The following HECW2 variants were observed in gnomAD, a reference collection of about 807,000 sequenced individuals.
The protein encoded by HECW2 is E3 ubiquitin-protein ligase HECW2.
In HECW2, 61 loss-of-function variants were observed where a neutral mutation model predicts 175.2. The observed-to-expected ratio is 0.35, with a 90% CI of 0.28 to 0.43. HECW2 has a LOEUF of 0.43. HECW2 is among the 20% of genes least tolerant of loss of function. The pLI, the probability that HECW2 is intolerant of heterozygous loss-of-function variation, is 1.00. For missense variants in HECW2, 1,524 were observed against 2,000.5 expected (o/e 0.76, Z 4.54); for synonymous variants, 671 against 731.0 (o/e 0.92, Z 1.32).
In HECW2 at chr2:196,282,013, G is replaced by A. The variant is rs562128307; in HGVS notation, c.3001-3351C>T. ...TTTTTGAGCATGCTGCCTGTGACACGTCAAATATGAGGTCCTATTATTTTC... is the reference window on the plus strand; with the variant it reads ...TTTTTGAGCATGCTGCCTGTGACACATCAAATATGAGGTCCTATTATTTTC... On this transcript the variant is annotated intron_variant, in intron 14 of 28. Coordinates refer to ENST00000644978, the MANE Select transcript of HECW2 (RefSeq NM_001348768.2). 1.7e-4 allele frequency among the ~76,000 whole-genome samples: 26 copies of A among 152,308 alleles called. No individual in the cohort carries two copies. The South Asian group carries it at 3.9e-3, about 23-fold the overall frequency.
At chr2:196,410,969 A>G (rs1030873211) in intron 2 of HECW2, among the ~76,000 whole-genome samples, 1 of 152,124 alleles carries the variant, frequency 6.6e-6, no homozygotes. Context: ...ATTCCAGGCA[A>G]TGCAATGGCT....
rs1200396728 is a variant in HECW2 at position 196,536,384 on chromosome 2, A to G, written c.-36+57124T>C. 3.9e-5 allele frequency among the ~76,000 whole-genome samples: 6 copies of G among 152,212 alleles called. No homozygotes were observed. In the East Asian group the frequency reaches 1.2e-3, roughly 29 times the overall value. On this transcript the variant is annotated intron_variant, in intron 1 of 28. Coordinates refer to ENST00000644978, the MANE Select transcript of HECW2 (RefSeq NM_001348768.2). ...GGACTACTGTAAAGGCCACTGGACT[A>G]CATGAGAGAGCTGGAAAGATCAGAA...
intron 1 of HECW2, among the ~76,000 whole-genome samples, chr2:196,485,898 T>C (rs1307116864): frequency 6.6e-6 from 1 of 152,156 alleles, no homozygotes; most frequent in African/African-American, 2.4e-5. Context: ...GTACCACGCA[T>C]CTGTAGTCCC....
intron 1 of HECW2, among the ~76,000 whole-genome samples, chr2:196,568,805 A>G (rs375486042): frequency 6.6e-6 from 1 of 152,276 alleles, no homozygotes; most frequent in African/African-American, 2.4e-5. Context: ...ACAAGTATAG[A>G]TACTCCAGGG....
chr2:196,366,367 G>A (rs778256435), intron 2 of HECW2, among the ~76,000 whole-genome samples: 73 of 152,120 alleles, frequency 4.8e-4, no homozygotes, highest in Non-Finnish European at 9.0e-4. Context: ...CTCATCTTCG[G>A]TGGACAAGGA....
chr2:196,201,468 G>T, intron 28 of HECW2, 80 bp from the exon 29 acceptor site: 1 of 866,362 alleles, frequency 1.2e-6, no homozygotes, highest in Non-Finnish European at 1.9e-6. Flanking sequence ...GTGTGTGTGT[G>T]TCTGTGTGTG....
intron 21 of HECW2, among the ~76,000 whole-genome samples, chr2:196,229,915 T>C (rs1445252908): frequency 6.6e-6 from 1 of 152,196 alleles, no homozygotes; most frequent in Non-Finnish European, 1.5e-5. Flanking sequence ...TTAAAATGAA[T>C]ACATGAATAT....
intron 1 of HECW2, among the ~76,000 whole-genome samples, chr2:196,452,818 C>T (rs2125310746): frequency 6.6e-6 from 1 of 150,962 alleles, no homozygotes; most frequent in Non-Finnish European, 1.5e-5. Flanking sequence ...AAAACATGGG[C>T]CCAATAAATG....
chr2:196,456,955 G>C (rs951989343), intron 1 of HECW2, among the ~76,000 whole-genome samples: 1 of 152,150 alleles, frequency 6.6e-6, no homozygotes, highest in African/African-American at 2.4e-5. Flanking sequence ...AGAGCCAAAA[G>C]ACTATCAAAT....
intron 16 of HECW2, among the ~76,000 whole-genome samples, chr2:196,272,690 C>T (rs1689784599): frequency 6.6e-6 from 1 of 152,038 alleles, no homozygotes; most frequent in African/African-American, 2.4e-5. Flanking sequence ...GAAATACTAC[C>T]TGCTAAAATG....
At chr2:196,495,942 CTT>C (rs1286299528) in intron 1 of HECW2, among the ~76,000 whole-genome samples, 1 of 152,076 alleles carries the variant, frequency 6.6e-6, no homozygotes, top group Non-Finnish European at 1.5e-5. Flanking sequence ...GCAAAGAAGA[CTT>C]TGGACTTCAT....
At chr2:196,534,672 T>A (rs1402548918) in intron 1 of HECW2, among the ~76,000 whole-genome samples, 1 of 152,064 alleles carries the variant, frequency 6.6e-6, no homozygotes, top group East Asian at 1.9e-4. Flanking sequence ...AGATATAAAT[T>A]TTTCAAAGAG....
Position 196,215,933 on chromosome 2 carries a change from T to A in HECW2, c.4539A>T (p.Ser1513=). 6.2e-7 allele frequency: 1 copy of A among 1,613,982 alleles called. No individual in the cohort carries two copies. The highest frequency in any genetic ancestry group is 8.5e-7 in the Non-Finnish European group (1 of 1,179,938). The part of the protein sequence containing the change: ...TSSIPYEGFA[S]LRGSNGPRRF... Reference sequence around the variant, plus strand: ...TTCTTGGGCCGTTACTCCCTCGGAGTGAAGCAAATCCTTCATAGGGAATGC... The same window carrying A: ...TTCTTGGGCCGTTACTCCCTCGGAGAGAAGCAAATCCTTCATAGGGAATGC... Residue 1513 remains serine (S), a synonymous_variant, in exon 28 of 29, where the codon TCA becomes TCT. Coordinates refer to ENST00000644978, the MANE Select transcript of HECW2 (RefSeq NM_001348768.2).
intron 1 of HECW2, among the ~76,000 whole-genome samples, chr2:196,521,419 A>C (rs990864695): frequency 5.3e-5 from 8 of 151,928 alleles, no homozygotes; most frequent in African/African-American, 1.9e-4. Flanking sequence ...TCAGAAACTT[A>C]TATATGAATA....
Position 196,433,187 on chromosome 2 carries a change from G to A in HECW2, c.237C>T (p.Phe79=). The A allele has an allele frequency of 6.2e-7, 1 of 1,614,160 alleles. No homozygotes were observed. The highest frequency in any genetic ancestry group is 8.5e-7 in the Non-Finnish European group (1 of 1,180,006). The change falls in exon 2 of 29, where the codon TTC becomes TTT. Residue 79 remains phenylalanine, a synonymous_variant. Coordinates refer to ENST00000644978, the MANE Select transcript of HECW2 (RefSeq NM_001348768.2). ...GGTCCACCTCCTCTTTAATGTCCCA[G>A]AAGATAATGAGGTTCTGGGCTTGCC... ...TLGQAQNLII[F]WDIKEEVDPS...
chr2:196,576,798 A>C (rs1690577051), intron 1 of HECW2, among the ~76,000 whole-genome samples: 1 of 152,232 alleles, frequency 6.6e-6, no homozygotes, highest in African/African-American at 2.4e-5. Context: ...ATATCAAAAC[A>C]CCAAATTATA....
chr2:196,228,281 A>C (rs3748874), intron 21 of HECW2, 27 bp from the exon 22 acceptor site: 147,032 of 1,579,506 alleles, frequency 0.093, 8,528 homozygotes, highest in African/African-American at 0.24. Context: ...CAAAAAGAAT[A>C]ATCTGTTACT....
At chr2:196,226,109 G>A (rs764712502) in intron 22 of HECW2, among the ~76,000 whole-genome samples, 30 of 152,166 alleles carry the variant, frequency 2.0e-4, no homozygotes, top group Non-Finnish European at 4.3e-4. Context: ...TGCTGGGGGT[G>A]GGGCCTGGTG....
chr2:196,547,957 G>A (rs1323111284), intron 1 of HECW2, among the ~76,000 whole-genome samples: 2 of 152,132 alleles, frequency 1.3e-5, no homozygotes, highest in South Asian at 2.1e-4. Flanking sequence ...ATCACCTGAG[G>A]GAATTCGAGT....
Sources: allele counts gnomAD v4.1 joint callset (sites outside exome capture counted in the v4.1 genomes callset), GRCh38; gene constraint gnomAD v4.1.1; transcripts MANE v1.5; gene names NCBI Gene and HGNC (gene_info 2026-07-23, HGNC 2026-07-21).